The following DUSP10 variants were observed in gnomAD, a reference collection of about 807,000 sequenced individuals.
The protein encoded by DUSP10 is dual specificity protein phosphatase 10.
DUSP10 carries 14 observed loss-of-function variants against 30.8 expected under a neutral mutation model. That is an observed-to-expected ratio of 0.46 (90% CI 0.30 to 0.71). DUSP10 has a LOEUF of 0.71. DUSP10 is among the 30% of genes least tolerant of loss of function. The pLI is 0.08. For synonymous variants in DUSP10, 254 were observed against 250.4 expected (o/e 1.01, Z -0.14); for missense variants, 550 against 619.4 (o/e 0.89, Z 1.19).
At chr1:221,714,446 C>T (rs572245645) in intron 2 of DUSP10, among the ~76,000 whole-genome samples, 13 of 152,284 alleles carry the variant, frequency 8.5e-5, no homozygotes, top group Middle Eastern at 3.4e-3. Flanking sequence ...AAAATGGCGG[C>T]TCCATCTTCC....
chr1:221,719,607 A>T (rs1661218754), intron 2 of DUSP10, among the ~76,000 whole-genome samples: 1 of 152,236 alleles, frequency 6.6e-6, no homozygotes, highest in South Asian at 2.1e-4. Context: ...CTTGAGGCTA[A>T]GTGAAGGACC....
chr1:221,721,393 C>T (rs538849828), intron 2 of DUSP10, among the ~76,000 whole-genome samples: 14 of 152,310 alleles, frequency 9.2e-5, no homozygotes, highest in African/African-American at 2.6e-4. Context: ...AGTGACAGGA[C>T]TGGAAGAAGA....
At chr1:221,724,579 G>A (rs1250559738) in intron 2 of DUSP10, among the ~76,000 whole-genome samples, 2 of 152,116 alleles carry the variant, frequency 1.3e-5, no homozygotes, top group South Asian at 4.2e-4. Context: ...GCCACGTTTG[G>A]CTTGCAGCAA....
rs150612120 is a variant in DUSP10 at position 221,703,201 on chromosome 1, ATG to A, written c.1184-526_1184-525del. Among the ~76,000 whole-genome samples, 1,156 of 149,868 alleles carry A rather than the reference ATG, an allele frequency of 7.7e-3. 8 individuals carry two copies. The highest frequency in any genetic ancestry group is 0.031 in the South Asian group (147 of 4,710). ...TATATATGTATATGTATGTGTGTGT[ATG>A]TGTGTGTGTGTGTGTGTATATATAT... On this transcript the variant is annotated intron_variant, in intron 3 of 3. Transcript: ENST00000366899.
At position 221,702,484 on chromosome 1, in the gene DUSP10, C is replaced by T. The variant is rs1383744874; in HGVS notation, c.1377G>A (p.Glu459=). 1 of 1,614,136 alleles carries T rather than the reference C, an allele frequency of 6.2e-7. No homozygotes were observed. The highest frequency in any genetic ancestry group is 8.5e-7 in the Non-Finnish European group (1 of 1,180,040). The part of the protein sequence containing the change: ...LNFMGQLLEF[E]EDLNNGVTPR... ...GTGTCACACCGTTGTTTAGGTCTTC[C>T]TCGAACTCTAGCAACTGCCCCATGA... Residue 459 remains glutamate (E), a synonymous_variant, in exon 4 of 4, where the codon GAG becomes GAA. Transcript: ENST00000366899. This position sits in a 1 kb window ranked among gnomAD's most constrained non-coding sequence, Gnocchi z 4.5.
intron 2 of DUSP10, among the ~76,000 whole-genome samples, chr1:221,731,214 AG>A (rs1454091510): frequency 6.6e-6 from 1 of 152,184 alleles, no homozygotes; most frequent in African/African-American, 2.4e-5. Flanking sequence ...TCTTAGAGAC[AG>A]GTTTTCATCC....
At chr1:221,707,790 A>C (rs1350782117) in intron 2 of DUSP10, among the ~76,000 whole-genome samples, 8 of 152,222 alleles carry the variant, frequency 5.3e-5, no homozygotes, top group Non-Finnish European at 1.5e-5. Flanking sequence ...AAAATAAATA[A>C]AACATTTTGG....
Position 221,739,371 on chromosome 1 carries a change from C to A in DUSP10, c.374G>T (p.Gly125Val). 1 of 1,614,050 alleles carries A rather than the reference C, an allele frequency of 6.2e-7. No individual in the cohort carries two copies. Among genetic ancestry groups the A allele is most frequent in the Non-Finnish European group, 8.5e-7 (1 of 1,179,980 alleles). The change falls in exon 2 of 4, where the codon GGC becomes GTC. Residue 125 changes from glycine to valine, a missense_variant. Gly to Val is a moderately radical substitution (Grantham distance 109, BLOSUM62 -3). Coordinates refer to ENST00000366899, the MANE Select transcript of DUSP10 (RefSeq NM_007207.6). ...CACCCCACTTGATGGACTTAGAGAG[C>A]CTGTATTCTCATTATTGTTGACCAT... is the stretch of plus-strand genomic sequence containing the variant. ...NQMVNNNENT[G>V]SLSPSSGVGS...
At chr1:221,719,645 G>C (rs1661219794) in intron 2 of DUSP10, among the ~76,000 whole-genome samples, 1 of 152,168 alleles carries the variant, frequency 6.6e-6, no homozygotes. Flanking sequence ...TTCAACCTGG[G>C]GCACGCAGAA....
chr1:221,719,682 G>A (rs1488798053), intron 2 of DUSP10, among the ~76,000 whole-genome samples: 1 of 152,146 alleles, frequency 6.6e-6, no homozygotes, highest in South Asian at 2.1e-4. Flanking sequence ...GATGCATCCC[G>A]TATCTGGCAC....
chr1:221,702,427 C>T lies in DUSP10; in HGVS notation c.1434G>A (p.Val478=), dbSNP rs982994724. ...CAGACCATTGTCACACAACCGTCTC[C>T]ACGCCCATCAGCTTTGGTGTAAGGA... ...PRILTPKLMG[V]ETVV The change falls in exon 4 of 4, where the codon GTG becomes GTA. Residue 478 remains valine, a synonymous_variant. Coordinates refer to ENST00000366899, the MANE Select transcript of DUSP10 (RefSeq NM_007207.6). This position sits in a 1 kb window ranked among gnomAD's most constrained non-coding sequence, Gnocchi z 4.5. The T allele has an allele frequency of 7.4e-6, 12 of 1,613,896 alleles. No individual in the cohort carries two copies. Among genetic ancestry groups the T allele is most frequent in the Non-Finnish European group, 9.3e-6 (11 of 1,179,998 alleles).
chr1:221,714,802 G>A (rs1661050137), intron 2 of DUSP10, among the ~76,000 whole-genome samples: 1 of 151,976 alleles, frequency 6.6e-6, no homozygotes, highest in Admixed American at 6.6e-5. Flanking sequence ...TTCTTGGTGT[G>A]AGACAACGAA....
chr1:221,717,841 C>T (rs1661153842), intron 2 of DUSP10, among the ~76,000 whole-genome samples: 1 of 152,158 alleles, frequency 6.6e-6, no homozygotes, highest in Admixed American at 6.5e-5. Context: ...TTACAGCCTC[C>T]AGAACTATAA....
intron 2 of DUSP10, among the ~76,000 whole-genome samples, chr1:221,715,896 G>C (rs754940246): frequency 1.3e-5 from 2 of 151,960 alleles, no homozygotes; most frequent in African/African-American, 4.8e-5. Context: ...CAGGGCCTTG[G>C]GTTTGGTCTC....
chr1:221,731,311 T>C (rs756705378), intron 2 of DUSP10, among the ~76,000 whole-genome samples: 2 of 152,138 alleles, frequency 1.3e-5, no homozygotes, highest in Non-Finnish European at 1.5e-5. Flanking sequence ...CTCTGAAATA[T>C]TGTTTACAAT....
Position 221,702,417 on chromosome 1 carries a change from C to A in DUSP10, c.1444G>T (p.Val482Leu), listed in dbSNP as rs934002658. 1.2e-6 allele frequency: 2 copies of A among 1,613,690 alleles called. No homozygotes were observed. The highest frequency in any genetic ancestry group is 2.7e-5 in the African/African-American group (2 of 74,882). ...TPKLMGVETV[V>L] Reference sequence around the variant, plus strand: ...CCTTTCCATCCAGACCATTGTCACACAACCGTCTCCACGCCCATCAGCTTT... The same window carrying A: ...CCTTTCCATCCAGACCATTGTCACAAAACCGTCTCCACGCCCATCAGCTTT... The change falls in exon 4 of 4, where the codon GTG becomes TTG. Residue 482 changes from valine (V) to leucine (L), a missense_variant. Physicochemically the swap from Val to Leu is conservative, Grantham distance 32. Coordinates refer to ENST00000366899, the MANE Select transcript of DUSP10 (RefSeq NM_007207.6). The surrounding 1 kb of genome is among the most constrained non-coding windows in gnomAD (Gnocchi z 4.5).
chr1:221,724,711 G>T (rs866306294), intron 2 of DUSP10, among the ~76,000 whole-genome samples: 1 of 152,160 alleles, frequency 6.6e-6, no homozygotes, highest in Middle Eastern at 3.2e-3. Context: ...GTGTTTGTTT[G>T]CATGTGAATG....
intron 1 of DUSP10, 74 bp from the exon 2 acceptor site, chr1:221,739,861 G>A (rs977550221): frequency 2.1e-6 from 3 of 1,419,352 alleles, no homozygotes; most frequent in Non-Finnish European, 1.8e-6. Flanking sequence ...CAATCCCTGG[G>A]AAAGACCTTT....
rs1660609293 is a variant in DUSP10, at chr1:221,701,614, G to A, written c.*798C>T. 2 of 150,810 alleles carry A rather than the reference G, an allele frequency of 1.3e-5. No homozygotes were observed. The highest frequency in any genetic ancestry group is 4.2e-4 in the South Asian group (2 of 4,796). The allele number at this position is 150,810 out of a possible 1,614,324, so 9.3% of individuals were successfully genotyped here. On this transcript the variant is annotated 3_prime_UTR_variant, in exon 4 of 4. Transcript: ENST00000366899. ...AAAAAAAAAAAAAAAGGAAAAAGGT[G>A]GGAAGGAAAGTATTTGATATATTGT...
Sources: gnomAD v4.1 joint callset for allele counts (sites outside exome capture counted in the v4.1 genomes callset) on GRCh38, gnomAD v4.1.1 for gene constraint, Gnocchi (gnomAD v3.1) non-coding constraint, MANE v1.5 for transcripts, NCBI Gene and HGNC (gene_info 2026-07-23, HGNC 2026-07-21) for gene names.